The following PCDHA1 variants were observed in gnomAD, a reference collection of about 807,000 sequenced individuals.
PCDHA1 encodes protocadherin alpha-1.
A neutral mutation model predicts 61.3 loss-of-function variants in PCDHA1; 42 were observed. The ratio of observed to expected loss-of-function variants is 0.69; its 90% CI spans 0.54 to 0.89. The LOEUF (loss-of-function observed/expected upper bound fraction) is 0.89, where lower values mean the gene tolerates loss of function less well. Ranked by LOEUF, PCDHA1 falls within the 40% of genes least tolerant of loss-of-function variation. PCDHA1 has a pLI of 0.00. For missense variants in PCDHA1, 1,256 were observed against 1,235.3 expected (o/e 1.02, Z -0.25); for synonymous variants, 610 against 553.8 (o/e 1.10, Z -1.43).
At chr5:140,884,577 T>C (rs2060274481) in intron 1 of PCDHA1, 2 of 1,614,230 alleles carry the variant, frequency 1.2e-6, no homozygotes, top group East Asian at 4.5e-5. Context: ...ACGGACCTCA[T>C]GGCCTTCAGT....
At chr5:140,803,370 G>A (rs1356277408) in intron 1 of PCDHA1, 1 of 1,614,196 alleles carries the variant, frequency 6.2e-7, no homozygotes, top group Non-Finnish European at 8.5e-7. Flanking sequence ...GCGGTGCTCC[G>A]CGCCGCCAAC....
At chr5:140,967,453 C>T in intron 1 of PCDHA1, 1 of 1,613,556 alleles carries the variant, frequency 6.2e-7, no homozygotes, top group South Asian at 1.1e-5. Context: ...TTCTCACAGC[C>T]GTGGATGGGG....
In PCDHA1 at chr5:140,856,507, A is replaced by C. The variant is rs527808702; in HGVS notation, c.2394+67823A>C. 4.2e-5 allele frequency: 67 copies of C among 1,598,478 alleles called. 5 individuals carry two copies. In the South Asian group the frequency reaches 7.1e-4, roughly 17 times the overall value. Reference sequence around the variant, plus strand: ...GACTGCTTGACTCTCGATTTCCACTAGAAGGCGCATCTGATGCGGATGTTG... The same window carrying C: ...GACTGCTTGACTCTCGATTTCCACTCGAAGGCGCATCTGATGCGGATGTTG... On this transcript the variant is annotated intron_variant, in intron 1 of 3. Coordinates refer to ENST00000504120, the MANE Select transcript of PCDHA1 (RefSeq NM_018900.4).
intron 1 of PCDHA1, among the ~76,000 whole-genome samples, chr5:140,887,521 T>C (rs561642770): frequency 1.3e-5 from 2 of 152,346 alleles, no homozygotes; most frequent in Admixed American, 1.3e-4. Flanking sequence ...TTTTTATATA[T>C]GAGTCTTCCT....
At chr5:140,869,126 G>C in intron 1 of PCDHA1, 1 of 1,611,852 alleles carries the variant, frequency 6.2e-7, no homozygotes, top group African/African-American at 1.3e-5. Context: ...CAGAGAAGGG[G>C]ATTGGGCACC....
In PCDHA1 at chr5:140,936,771, C is replaced by A. The variant is rs182480245; in HGVS notation, c.2395-42178C>A. Among the ~76,000 whole-genome samples, 20 of 152,230 alleles carry A rather than the reference C, an allele frequency of 1.3e-4. No individual in the cohort carries two copies. In the East Asian group the frequency reaches 3.5e-3, roughly 26 times the overall value. On this transcript the variant is annotated intron_variant, in intron 1 of 3. Coordinates refer to ENST00000504120, the MANE Select transcript of PCDHA1 (RefSeq NM_018900.4). ...GTATTGATATCTAATTGTGTAAGTT[C>A]TCTCACTTTGTTATTCTGCTTCAAG...
intron 1 of PCDHA1, among the ~76,000 whole-genome samples, chr5:140,941,202 C>CTTTCTTTCTTTCTTTCTTTCTTTCTTT (rs1554213921): frequency 8.1e-6 from 1 of 122,708 alleles, no homozygotes; most frequent in Admixed American, 8.6e-5. Context: ...TTTCTTTCTT[C>CTTTCTTTCTTTCTTTCTTTCTTTCTTT]CTTTCTTTCT....
intron 1 of PCDHA1, chr5:140,814,803 A>C (rs1554126605): frequency 1.3e-5 from 2 of 152,094 alleles, no homozygotes; most frequent in Non-Finnish European, 2.9e-5. Context: ...ACAACACTTG[A>C]CTTTATTGTA....
intron 1 of PCDHA1, chr5:140,809,159 G>A (rs146303235): frequency 1.6e-5 from 26 of 1,613,942 alleles, no homozygotes; most frequent in Non-Finnish European, 2.1e-5. Flanking sequence ...CGGCGAGCCC[G>A]CGCTGACGGC....
At chr5:140,924,903 AAATAAAAT>A (rs1318660055) in intron 1 of PCDHA1, among the ~76,000 whole-genome samples, 2 of 54,856 alleles carry the variant, frequency 3.6e-5, no homozygotes, top group African/African-American at 8.4e-5. Context: ...TCAAAAAAAA[AAATAAAAT>A]AAAATAAAAT....
intron 1 of PCDHA1, among the ~76,000 whole-genome samples, chr5:140,944,008 C>T (rs1253527034): frequency 1.3e-5 from 2 of 152,054 alleles, no homozygotes; most frequent in Non-Finnish European, 2.9e-5. Context: ...GAGTACCCCC[C>T]AAAAGCAATT....
In PCDHA1 at chr5:140,787,984, T is replaced by C; in HGVS notation, c.1694T>C (p.Leu565Pro). The change falls in exon 1 of 4, where the codon CTG (leucine) becomes CCG (proline). Residue 565 changes from leucine to proline, a missense_variant. Leu to Pro is a moderately conservative substitution (Grantham distance 98). Coordinates refer to ENST00000504120, the MANE Select transcript of PCDHA1 (RefSeq NM_018900.4). Reference sequence around the variant, plus strand: ...GACGAGAACGACAACGCGCCGGCGCTGCTGGCGCCTCGAGTGGGTGGCACT... The same window carrying C: ...GACGAGAACGACAACGCGCCGGCGCCGCTGGCGCCTCGAGTGGGTGGCACT... ...VLDENDNAPA[L>P]LAPRVGGTIG... The C allele has an allele frequency of 1.9e-6, 3 of 1,613,986 alleles. No homozygotes were observed. The highest frequency in any genetic ancestry group is 2.5e-6 in the Non-Finnish European group (3 of 1,179,888).
intron 1 of PCDHA1, chr5:140,853,696 T>C: frequency 1.1e-5 from 11 of 988,274 alleles, no homozygotes; most frequent in Non-Finnish European, 1.3e-5. Context: ...TTAGACCTGC[T>C]AACGCATTAG....
Position 140,871,315 on chromosome 5 carries a change from CT to C in PCDHA1, c.2394+82632del, listed in dbSNP as rs1352668242. On this transcript the variant is annotated intron_variant, in intron 1 of 3. Transcript: ENST00000504120. ...CGCGTGCGCGCCGGGGAAGCCCACGCTGGTGTGCTCCCGCGCGGTGGGGAGC... is the reference window on the plus strand; with the variant it reads ...CGCGTGCGCGCCGGGGAAGCCCACGCGGTGTGCTCCCGCGCGGTGGGGAGC... The C allele has an allele frequency of 8.1e-6, 13 of 1,613,928 alleles. No homozygotes were observed. In the Admixed American group the frequency reaches 2.0e-4, roughly 25 times the overall value.
chr5:140,858,727 G>A (rs2045572985), intron 1 of PCDHA1: 2 of 482,238 alleles, frequency 4.1e-6, no homozygotes, highest in Non-Finnish European at 3.7e-6. Context: ...CAGTTCTGAC[G>A]ATTTACTTTC....
intron 1 of PCDHA1, among the ~76,000 whole-genome samples, chr5:140,943,453 G>A (rs545980639): frequency 2.6e-5 from 4 of 152,040 alleles, no homozygotes; most frequent in Non-Finnish European, 5.9e-5. Context: ...GAATTGATAA[G>A]GCTAAATGTG....
At chr5:140,975,439 T>C (rs1376325988) in intron 1 of PCDHA1, among the ~76,000 whole-genome samples, 2 of 152,222 alleles carry the variant, frequency 1.3e-5, no homozygotes, top group Non-Finnish European at 2.9e-5. Context: ...CACCAGGATA[T>C]AGGGATCTTG....
chr5:140,853,241 T>C (rs1032355023), intron 1 of PCDHA1: 4 of 978,568 alleles, frequency 4.1e-6, no homozygotes, highest in Admixed American at 6.3e-5. Context: ...TCCTTCATAT[T>C]AATCTCTATT....
chr5:140,796,473 G>C, intron 1 of PCDHA1: 7 of 1,612,230 alleles, frequency 4.3e-6, no homozygotes, highest in Non-Finnish European at 5.9e-6. Context: ...GCGAGCGCGC[G>C]TTGTCGAGCT....
Sources: gnomAD v4.1 joint callset for allele counts (sites outside exome capture counted in the v4.1 genomes callset) on GRCh38, gnomAD v4.1.1 for gene constraint, MANE v1.5 for transcripts, NCBI Gene and HGNC (gene_info 2026-07-23, HGNC 2026-07-21) for gene names.